Variants in FGF14 observed in about 807,000 individuals in gnomAD.
FGF14 encodes the protein fibroblast growth factor homologous factor 4.
In FGF14, 5 loss-of-function variants were observed where a neutral mutation model predicts 25.5. The ratio of observed to expected loss-of-function variants is 0.20; its 90% CI spans 0.10 to 0.41. The LOEUF is 0.41. Among genes scored for constraint, FGF14 ranks in the 10% least tolerant of loss-of-function variants. The probability of loss-of-function intolerance (pLI) is 1.00; values close to 1 mark genes in which losing one functional copy is unlikely to be tolerated. For synonymous variants in FGF14, 138 were observed against 118.3 expected (o/e 1.17, Z -1.08); for missense variants, 222 against 320.1 (o/e 0.69, Z 2.34).
intron 1 of FGF14, among the ~76,000 whole-genome samples, chr13:102,335,943 A>T (rs2138865732): frequency 6.6e-6 from 1 of 152,250 alleles, no homozygotes; most frequent in East Asian, 1.9e-4. Flanking sequence ...AACTTCATTG[A>T]TAAATGTGAT....
rs574827078 is a variant in FGF14 at position 102,165,247 on chromosome 13, G to A, written c.208+236224C>T. Among the ~76,000 whole-genome samples the A allele has an allele frequency of 5.1e-3, 775 of 152,192 alleles. 10 individuals are homozygous for A. The highest frequency in any genetic ancestry group is 0.018 in the African/African-American group (740 of 41,516). On this transcript the variant is annotated intron_variant, in intron 1 of 4. Transcript: ENST00000376131. ...GTAAACTAGTTCAACCATTGTGGAAGTCAGTGTGGCGATTCCTCAGGGATC... is the reference window on the plus strand; with the variant it reads ...GTAAACTAGTTCAACCATTGTGGAAATCAGTGTGGCGATTCCTCAGGGATC...
At chr13:101,729,855 C>A (rs1244254171) in intron 3 of FGF14, among the ~76,000 whole-genome samples, 1 of 151,996 alleles carries the variant, frequency 6.6e-6, no homozygotes, top group Non-Finnish European at 1.5e-5. Context: ...ATTCATTTCA[C>A]TGAAAAATGA....
intron 1 of FGF14, among the ~76,000 whole-genome samples, chr13:102,356,232 A>G (rs1031565610): frequency 6.6e-6 from 1 of 152,244 alleles, no homozygotes; most frequent in African/African-American, 2.4e-5. Flanking sequence ...AGCTAGACCC[A>G]GAAAACATCA....
intron 3 of FGF14, among the ~76,000 whole-genome samples, chr13:101,855,325 C>T (rs2044070752): frequency 6.6e-6 from 1 of 152,002 alleles, no homozygotes; most frequent in Non-Finnish European, 1.5e-5. Context: ...AAATATATCA[C>T]TTTTTAAATG....
chr13:102,072,840 CT>C (rs2043206847), intron 1 of FGF14, among the ~76,000 whole-genome samples: 1 of 152,172 alleles, frequency 6.6e-6, no homozygotes, highest in Admixed American at 6.5e-5. Context: ...AAATGTCTTA[CT>C]GGAGGAGGGC....
At chr13:101,989,281 T>G (rs570827583) in intron 1 of FGF14, among the ~76,000 whole-genome samples, 74 of 152,202 alleles carry the variant, frequency 4.9e-4, no homozygotes, top group Middle Eastern at 3.4e-3. Flanking sequence ...GATTTGTAAT[T>G]ATTAAAAACT....
intron 3 of FGF14, among the ~76,000 whole-genome samples, chr13:101,865,328 A>C (rs2044644597): frequency 6.6e-6 from 1 of 152,168 alleles, no homozygotes; most frequent in Non-Finnish European, 1.5e-5. Flanking sequence ...AAATAGTGAT[A>C]AGTGGTTAAA....
At chr13:102,144,291 T>C (rs899008456) in intron 1 of FGF14, among the ~76,000 whole-genome samples, 2 of 152,182 alleles carry the variant, frequency 1.3e-5, no homozygotes, top group African/African-American at 4.8e-5. Context: ...CTCTGAACAG[T>C]TCTACTGCTT....
intron 3 of FGF14, among the ~76,000 whole-genome samples, chr13:101,864,483 A>T (rs2044589310): frequency 6.6e-6 from 1 of 152,114 alleles, no homozygotes; most frequent in Non-Finnish European, 1.5e-5. Flanking sequence ...TGACCCTTAC[A>T]AACTGTTGAT....
chr13:101,933,539 C>A (rs1461693023), intron 1 of FGF14, among the ~76,000 whole-genome samples: 1 of 152,156 alleles, frequency 6.6e-6, no homozygotes, highest in African/African-American at 2.4e-5. Context: ...GCCTGGCCAA[C>A]ACAGTGAAAC....
intron 1 of FGF14, among the ~76,000 whole-genome samples, chr13:102,243,952 C>T (rs1401650280): frequency 6.6e-6 from 1 of 152,002 alleles, no homozygotes; most frequent in Non-Finnish European, 1.5e-5. Context: ...CTAGACTAAG[C>T]AGATGCTCTG....
chr13:102,240,281 A>G (rs2051531104), intron 1 of FGF14, among the ~76,000 whole-genome samples: 1 of 152,318 alleles, frequency 6.6e-6, no homozygotes, highest in African/African-American at 2.4e-5. Context: ...AATATAAAGC[A>G]TATGGCCAAC....
At chr13:101,867,321 T>C (rs1047208884) in intron 3 of FGF14, among the ~76,000 whole-genome samples, 3 of 151,956 alleles carry the variant, frequency 2.0e-5, no homozygotes, top group Non-Finnish European at 4.4e-5. Context: ...TGACAAAAAA[T>C]AAATAAATAA....
At chr13:102,338,885 C>T (rs1421388533) in intron 1 of FGF14, among the ~76,000 whole-genome samples, 1 of 151,680 alleles carries the variant, frequency 6.6e-6, no homozygotes, top group East Asian at 1.9e-4. Context: ...GTGGTGCGCA[C>T]CTGTAATCCC....
At chr13:101,836,062 T>C (rs1321939163) in intron 3 of FGF14, among the ~76,000 whole-genome samples, 1 of 152,064 alleles carries the variant, frequency 6.6e-6, no homozygotes, top group Non-Finnish European at 1.5e-5. Context: ...GGTGCAGTGA[T>C]ATGTTTCTAA....
intron 3 of FGF14, among the ~76,000 whole-genome samples, chr13:101,734,855 C>A (rs2036067747): frequency 6.6e-6 from 1 of 152,282 alleles, no homozygotes; most frequent in Non-Finnish European, 1.5e-5. Flanking sequence ...AATTATTTAA[C>A]TATTCCTACT....
chr13:102,181,176 A>AT, intron 1 of FGF14, among the ~76,000 whole-genome samples: 1 of 152,148 alleles, frequency 6.6e-6, no homozygotes, highest in Non-Finnish European at 1.5e-5. Flanking sequence ...ACAGAATGTT[A>AT]TTTTTTAAAA....
intron 1 of FGF14, among the ~76,000 whole-genome samples, chr13:102,201,181 A>G (rs949818532): frequency 6.6e-6 from 1 of 151,132 alleles, no homozygotes; most frequent in African/African-American, 2.4e-5. Context: ...ACAGTTTGAA[A>G]TGAGAATGCT....
intron 1 of FGF14, among the ~76,000 whole-genome samples, chr13:102,266,160 C>T (rs1294251338): frequency 6.6e-6 from 1 of 152,088 alleles, no homozygotes; most frequent in Admixed American, 6.6e-5. Context: ...ATTAGTGATC[C>T]TTTACTTGGG....
Sources: gnomAD v4.1 joint callset for allele counts (sites outside exome capture counted in the v4.1 genomes callset) on GRCh38, gnomAD v4.1.1 for gene constraint, MANE v1.5 for transcripts, NCBI Gene and HGNC (gene_info 2026-07-23, HGNC 2026-07-21) for gene names.